The following PRH1 variants were observed in gnomAD, a reference collection of about 807,000 sequenced individuals.
PRH1 encodes the protein salivary acidic proline-rich phosphoprotein 1/2.
A neutral mutation model predicts 7.9 loss-of-function variants in PRH1; 7 were observed. The observed-to-expected ratio is 0.89, with a 90% CI of 0.50 to 1.67. The LOEUF (loss-of-function observed/expected upper bound fraction) is 1.67. PRH1 is among the 40% of genes most tolerant of loss of function. The probability of loss-of-function intolerance (pLI) is 0.00; values close to 1 mark genes in which losing one functional copy is unlikely to be tolerated. For missense variants in PRH1, 109 were observed against 223.6 expected, an observed-to-expected ratio of 0.49 and a Z score of 3.27; for synonymous variants, 45 against 80.8, an observed-to-expected ratio of 0.56 and a Z score of 2.38.
intron 1 of PRH1, among the ~76,000 whole-genome samples, chr12:11,040,456 A>C (rs1410639489): frequency 6.6e-6 from 1 of 152,186 alleles, no homozygotes; most frequent in South Asian, 2.1e-4. Flanking sequence ...TCAGCAAACT[A>C]ACACAGGAAC....
At chr12:11,031,222 T>C in intron 1 of PRH1, 1 of 1,614,092 alleles carries the variant, frequency 6.2e-7, no homozygotes, top group Non-Finnish European at 8.5e-7. Context: ...AGATCTTTTG[T>C]CTCTTGACCC....
chr12:11,016,468 T>C (rs73047117), intron 1 of PRH1, among the ~76,000 whole-genome samples: 3 of 151,506 alleles, frequency 2.0e-5, no homozygotes, highest in Admixed American at 6.6e-5. Context: ...TACAGGTGAG[T>C]ACCACCATGC....
At chr12:11,034,594 T>C (rs913613645) in intron 1 of PRH1, among the ~76,000 whole-genome samples, 1 of 140,960 alleles carries the variant, frequency 7.1e-6, no homozygotes, top group Non-Finnish European at 1.5e-5. Context: ...TATTCCTTCT[T>C]GCATATTCAA....
At chr12:11,027,754 T>C (rs1219253590) in intron 1 of PRH1, among the ~76,000 whole-genome samples, 2 of 152,192 alleles carry the variant, frequency 1.3e-5, no homozygotes, top group Non-Finnish European at 2.9e-5. Context: ...GTGGTCATTA[T>C]AGGACTCTGT....
intron 2 of PRH1, chr12:10,964,610 G>T: frequency 2.5e-6 from 1 of 407,308 alleles, no homozygotes; most frequent in Non-Finnish European, 4.6e-6. Context: ...ATTCCAAATC[G>T]ATGTGATTAG....
At chr12:11,132,598 T>C (rs1245880301) in intron 1 of PRH1, among the ~76,000 whole-genome samples, 1 of 152,166 alleles carries the variant, frequency 6.6e-6, no homozygotes, top group Non-Finnish European at 1.5e-5. Context: ...ATCCCTCTTA[T>C]AGCAGAGATT....
intron 2 of PRH1, among the ~76,000 whole-genome samples, chr12:10,951,175 G>T (rs7486983): frequency 0.75 from 113,851 of 152,088 alleles, 44,831 homozygotes; most frequent in East Asian, 0.93. Flanking sequence ...ATAATAATTT[G>T]GAAGTAAAAG....
chr12:11,148,181 T>C (rs7963568), intron 1 of PRH1, among the ~76,000 whole-genome samples: 50,393 of 126,408 alleles, frequency 0.4, 11,111 homozygotes, highest in Non-Finnish European at 0.48. Context: ...CTTAACGAGA[T>C]TTTGGGCTGA....
chr12:10,937,952 A>G (rs1337784253), intron 2 of PRH1: 1 of 238,948 alleles, frequency 4.2e-6, no homozygotes, highest in Non-Finnish European at 7.9e-6. Context: ...ACATACATAC[A>G]TACACACATG....
intron 1 of PRH1, among the ~76,000 whole-genome samples, chr12:11,156,375 C>T (rs557799860): frequency 2.6e-5 from 4 of 151,874 alleles, no homozygotes; most frequent in East Asian, 1.9e-4. Context: ...GTTGGTTTCT[C>T]GAATGTATGG....
At chr12:10,918,674 CATT>C (rs1950006301) in intron 2 of PRH1, among the ~76,000 whole-genome samples, 1 of 152,228 alleles carries the variant, frequency 6.6e-6, no homozygotes, top group African/African-American at 2.4e-5. Flanking sequence ...ACTTTGCACA[CATT>C]ATAATTCTAT....
At chr12:11,000,991 T>C (rs1035345583) in intron 1 of PRH1, among the ~76,000 whole-genome samples, 43 of 146,508 alleles carry the variant, frequency 2.9e-4, no homozygotes, top group Non-Finnish European at 7.6e-5. Flanking sequence ...GGTTCTTTGT[T>C]CAGTTGGTTG....
At chr12:10,964,638 C>T in intron 2 of PRH1, 1 of 516,894 alleles carries the variant, frequency 1.9e-6, no homozygotes, top group Admixed American at 2.5e-5. Context: ...AAGTAAACAG[C>T]AAATAACAAG....
intron 1 of PRH1, among the ~76,000 whole-genome samples, chr12:11,083,908 G>T: frequency 7.2e-6 from 1 of 138,490 alleles, no homozygotes. Flanking sequence ...TATGTTCTTT[G>T]TAAACATGTT....
rs1030018469 is a variant in PRH1, at chr12:11,042,783, C to T, written c.-126+4237G>A. Among the ~76,000 whole-genome samples the T allele has an allele frequency of 5.3e-4, 81 of 151,892 alleles. 2 individuals are homozygous for T. The highest frequency in any genetic ancestry group is 6.3e-4 in the Non-Finnish European group (43 of 67,984). ...TAGCTGGGACTACAGGCGCCCACCA[C>T]CACGCCCGGCTAAATTTTTGTATTT... On this transcript the variant is annotated intron_variant, in intron 1 of 3. Coordinates refer to the PRH1 transcript ENST00000539853.
chr12:10,967,329 A>C (rs1214209429), intron 2 of PRH1, among the ~76,000 whole-genome samples: 3 of 152,178 alleles, frequency 2.0e-5, no homozygotes, highest in Non-Finnish European at 4.4e-5. Flanking sequence ...TTCTCCTAAT[A>C]AATAATTTTC....
chr12:10,917,546 A>T (rs1949989879), intron 2 of PRH1, among the ~76,000 whole-genome samples: 1 of 152,186 alleles, frequency 6.6e-6, no homozygotes, highest in Non-Finnish European at 1.5e-5. Context: ...TTTTTATAAG[A>T]GCCACAGGTG....
At chr12:11,000,160 C>T (rs1940515638) in intron 1 of PRH1, among the ~76,000 whole-genome samples, 1 of 152,048 alleles carries the variant, frequency 6.6e-6, no homozygotes, top group Non-Finnish European at 1.5e-5. Context: ...GTCACCTTTA[C>T]CTCCAGTCTC....
At chr12:11,090,379 G>C (rs1312746479) in intron 1 of PRH1, among the ~76,000 whole-genome samples, 1 of 99,418 alleles carries the variant, frequency 1.0e-5, no homozygotes, top group Non-Finnish European at 2.4e-5. Context: ...CAAACGGAAG[G>C]TAAGGATATA....
Sources: allele counts gnomAD v4.1 joint callset (sites outside exome capture counted in the v4.1 genomes callset), GRCh38; gene constraint gnomAD v4.1.1; transcripts MANE v1.5; gene names NCBI Gene and HGNC (gene_info 2026-07-23, HGNC 2026-07-21).